Variants in FGD6 observed in about 807,000 individuals in gnomAD.
FGD6 encodes FYVE, RhoGEF and PH domain-containing protein 6.
In FGD6, 90 loss-of-function variants were observed where a neutral mutation model predicts 149.4. That is an observed-to-expected ratio of 0.60 (90% CI 0.51 to 0.72). The LOEUF is 0.72. Among genes scored for constraint, FGD6 ranks in the 30% least tolerant of loss-of-function variants. FGD6 has a pLI of 0.00. For synonymous variants in FGD6, 527 were observed against 584.0 expected (o/e 0.90, Z 1.41); for missense variants, 1,437 against 1,684.8 (o/e 0.85, Z 2.57).
chr12:95,160,846 G>A (rs1040823175), intron 3 of FGD6, among the ~76,000 whole-genome samples: 1 of 148,026 alleles, frequency 6.8e-6, no homozygotes, highest in Non-Finnish European at 1.5e-5. Context: ...CCTGGGTGAC[G>A]AGAGCAAAAC....
chr12:95,172,959 A>C (rs1427964138), intron 2 of FGD6, among the ~76,000 whole-genome samples: 2 of 152,162 alleles, frequency 1.3e-5, no homozygotes, highest in African/African-American at 2.4e-5. Flanking sequence ...TAATGTTAAG[A>C]AGGTGGGTGG....
chr12:95,101,368 T>G (rs983100613), intron 14 of FGD6, among the ~76,000 whole-genome samples: 1 of 151,856 alleles, frequency 6.6e-6, no homozygotes, highest in Non-Finnish European at 1.5e-5. Flanking sequence ...CACAGAAATA[T>G]AAATCTTGAT....
chr12:95,076,751 T>C lies in FGD6; in HGVS notation c.*4769A>G, dbSNP rs1877505791. 6.6e-6 allele frequency: 1 copy of C among 151,998 alleles called. No individual in the cohort carries two copies. Among genetic ancestry groups the C allele is most frequent in the South Asian group, 2.1e-4 (1 of 4,814 alleles). The allele number at this position is 151,998 out of a possible 1,614,324, so 9.4% of individuals were successfully genotyped here. Reference sequence around the variant, plus strand: ...GGAAAAAAATCACACCAACAAAATATATTATAGTAAATTTATTTTGTATAA... The same window carrying C: ...GGAAAAAAATCACACCAACAAAATACATTATAGTAAATTTATTTTGTATAA... On this transcript the variant is annotated 3_prime_UTR_variant, in exon 21 of 21. Coordinates refer to ENST00000343958, the MANE Select transcript of FGD6 (RefSeq NM_018351.4).
chr12:95,214,023 G>A (rs1003517764), intron 1 of FGD6, among the ~76,000 whole-genome samples: 4 of 152,192 alleles, frequency 2.6e-5, no homozygotes, highest in African/African-American at 9.7e-5. Context: ...AGGAATCTGA[G>A]ATGATAACTT....
intron 1 of FGD6, among the ~76,000 whole-genome samples, chr12:95,215,517 A>C (rs562313538): frequency 6.6e-6 from 1 of 152,356 alleles, no homozygotes; most frequent in East Asian, 1.9e-4. Flanking sequence ...ACCAGAAAGA[A>C]TTATGATAAA....
intron 14 of FGD6, among the ~76,000 whole-genome samples, chr12:95,095,871 G>A (rs1474060216): frequency 1.3e-5 from 2 of 151,930 alleles, no homozygotes; most frequent in African/African-American, 2.4e-5. Flanking sequence ...AAAGTTAGCC[G>A]GGTGTGGTGG....
chr12:95,164,180 C>G (rs1880726048), intron 3 of FGD6, among the ~76,000 whole-genome samples: 1 of 151,276 alleles, frequency 6.6e-6, no homozygotes, highest in Admixed American at 6.6e-5. Context: ...GATCTGAAAT[C>G]TAGTTTTATG....
intron 2 of FGD6, among the ~76,000 whole-genome samples, chr12:95,200,777 C>T (rs1185428340): frequency 6.6e-6 from 1 of 152,126 alleles, no homozygotes; most frequent in East Asian, 1.9e-4. Context: ...ACAGTTTTTG[C>T]TCCAGAGATC....
Position 95,172,618 on chromosome 12 carries a change from G to A in FGD6, c.2568C>T (p.Asp856=), listed in dbSNP as rs141207724. ...AGTATACCTGTTTATCTTCCAGTGG[G>A]TCAGGCTCTCCTTTACTTGACTCAG... The part of the protein sequence containing the change: ...VSSESSKGEP[D]PLEDKQDEDN... The change falls in exon 3 of 21, where the codon GAC becomes GAT. Residue 856 remains aspartate (D), a synonymous_variant. Transcript: ENST00000343958. The A allele has an allele frequency of 1.9e-6, 3 of 1,609,062 alleles. No individual in the cohort carries two copies. Among genetic ancestry groups the A allele is most frequent in the South Asian group, 2.2e-5 (2 of 89,900 alleles).
intron 3 of FGD6, among the ~76,000 whole-genome samples, chr12:95,162,539 GAATA>G (rs759263797): frequency 2.0e-5 from 3 of 152,088 alleles, no homozygotes; most frequent in East Asian, 3.9e-4. Context: ...AAAATTGAAT[GAATA>G]AATAAATAAA....
chr12:95,094,172 G>GAA (rs1370163919), intron 15 of FGD6, among the ~76,000 whole-genome samples: 17 of 150,650 alleles, frequency 1.1e-4, no homozygotes, highest in African/African-American at 4.1e-4. Context: ...AAAAAAAAAA[G>GAA]AAAGAAAAAG....
rs1881428152 is a variant in FGD6, at chr12:95,186,225, C to CTTTTTTTTTTTTTTTTTTT, written c.2442-13482_2442-13481insAAAAAAAAAAAAAAAAAAA. Among the ~76,000 whole-genome samples the CTTTTTTTTTTTTTTTTTTT allele has an allele frequency of 2.2e-4, 16 of 71,186 alleles. 8 individuals carry two copies. In the East Asian group the frequency reaches 2.9e-3, roughly 13 times the overall value. 46.7% of individuals were successfully genotyped at this position (71,186 alleles called of 152,430 possible). ...AGCTAAGAATGCTTCTTATATTCTT[C>CTTTTTTTTTTTTTTTTTTT]TTCTTTTTTTTTTTTTTTTTTTTTT... On this transcript the variant is annotated intron_variant, in intron 2 of 20. Transcript: ENST00000343958.
chr12:95,105,313 C>T (rs1487966545), intron 13 of FGD6, among the ~76,000 whole-genome samples: 1 of 152,204 alleles, frequency 6.6e-6, no homozygotes, highest in Non-Finnish European at 1.5e-5. Context: ...ATGCCCTCCA[C>T]CTGGAATGCC....
chr12:95,201,901 A>G (rs2056664116), intron 2 of FGD6, among the ~76,000 whole-genome samples: 3 of 151,840 alleles, frequency 2.0e-5, no homozygotes, highest in African/African-American at 7.3e-5. Context: ...TTATTCTCCC[A>G]AAGTGTGCAA....
chr12:95,185,588 C>T (rs1419075997), intron 2 of FGD6, among the ~76,000 whole-genome samples: 4 of 152,114 alleles, frequency 2.6e-5, no homozygotes, highest in African/African-American at 4.8e-5. Context: ...ATAGGCCGGG[C>T]GCAGTGGCTT....
chr12:95,147,540 A>C (rs1880051619), intron 5 of FGD6, among the ~76,000 whole-genome samples: 1 of 152,192 alleles, frequency 6.6e-6, no homozygotes, highest in Non-Finnish European at 1.5e-5. Context: ...GGGCAACTAA[A>C]AGAATTCTGA....
intron 2 of FGD6, among the ~76,000 whole-genome samples, chr12:95,187,064 G>A (rs1160944482): frequency 6.6e-6 from 1 of 152,198 alleles, no homozygotes; most frequent in East Asian, 1.9e-4. Context: ...GGGCATAGTG[G>A]CTCATGCCTG....
At chr12:95,112,111 G>A (rs1216596412) in intron 9 of FGD6, among the ~76,000 whole-genome samples, 1 of 151,986 alleles carries the variant, frequency 6.6e-6, no homozygotes, top group Non-Finnish European at 1.5e-5. Context: ...GTATGTGCCT[G>A]TAATCCCAAC....
chr12:95,181,237 T>C (rs1881274563), intron 2 of FGD6, among the ~76,000 whole-genome samples: 1 of 152,218 alleles, frequency 6.6e-6, no homozygotes, highest in South Asian at 2.1e-4. Flanking sequence ...ACTTGTTGAC[T>C]ACGTCACAGT....
Sources: allele counts gnomAD v4.1 joint callset (sites outside exome capture counted in the v4.1 genomes callset), GRCh38; gene constraint gnomAD v4.1.1; transcripts MANE v1.5; gene names NCBI Gene and HGNC (gene_info 2026-07-23, HGNC 2026-07-21).